CCDC138: variants seen among roughly 807,000 people sequenced by gnomAD.
CCDC138 encodes coiled-coil domain containing 138.
Under a neutral mutation model 82.3 loss-of-function variants are expected in CCDC138, and 66 were observed. The observed-to-expected ratio is 0.80, with a 90% CI of 0.66 to 0.98. CCDC138 has a LOEUF of 0.98. Among genes scored for constraint, CCDC138 ranks in the 50% least tolerant of loss-of-function variants. The pLI, the probability that CCDC138 is intolerant of heterozygous loss-of-function variation, is 0.00. For synonymous variants in CCDC138, 297 were observed against 265.4 expected, an observed-to-expected ratio of 1.12 and a Z score of -1.16; for missense variants, 816 against 758.9, an observed-to-expected ratio of 1.08 and a Z score of -0.88.
In CCDC138 at chr2:108,837,099, G is replaced by A. The variant is rs75421808; in HGVS notation, c.1207-2086G>A. ...GTACTATAGTGAACAGAAGTGGTGA[G>A]GGTGTGCTTGTCTTGTTCCTGATTT... On this transcript the variant is annotated intron_variant, in intron 10 of 14. Coordinates refer to ENST00000295124, the MANE Select transcript of CCDC138 (RefSeq NM_144978.3). Among the ~76,000 whole-genome samples, 607 of 152,226 alleles carry A rather than the reference G, an allele frequency of 4.0e-3. 5 individuals carry two copies. The highest frequency in any genetic ancestry group is 0.014 in the African/African-American group (561 of 41,526).
At chr2:108,868,431 T>C (rs1014312066) in intron 13 of CCDC138, among the ~76,000 whole-genome samples, 6 of 152,222 alleles carry the variant, frequency 3.9e-5, no homozygotes, top group Non-Finnish European at 7.3e-5. Context: ...ACAAAAGCAC[T>C]GAAAAATTTG....
chr2:108,812,555 T>C, intron 7 of CCDC138, 76 bp from the exon 8 acceptor site: 1 of 1,023,708 alleles, frequency 9.8e-7, no homozygotes. Flanking sequence ...CCAGATTAGA[T>C]AGTAGATTGG....
downstream of CCDC138, among the ~76,000 whole-genome samples, chr2:108,877,439 C>T (rs1175327698): frequency 6.6e-6 from 1 of 152,066 alleles, no homozygotes; most frequent in Non-Finnish European, 1.5e-5. Context: ...GCACTCCAGC[C>T]TGGGCAACAA....
At chr2:108,875,678 T>C (rs1695926784) in intron 14 of CCDC138, among the ~76,000 whole-genome samples, 1 of 152,066 alleles carries the variant, frequency 6.6e-6, no homozygotes, top group South Asian at 2.1e-4. Context: ...AGCAACATAG[T>C]GACACCCTGT....
At chr2:108,845,659 C>T (rs1690323458) in intron 11 of CCDC138, among the ~76,000 whole-genome samples, 1 of 151,548 alleles carries the variant, frequency 6.6e-6, no homozygotes, top group Non-Finnish European at 1.5e-5. Context: ...GCAAGCTCCG[C>T]CTCCCGTGTT....
intron 13 of CCDC138, among the ~76,000 whole-genome samples, chr2:108,862,809 G>A (rs1025855263): frequency 2.0e-5 from 3 of 151,034 alleles, no homozygotes; most frequent in African/African-American, 4.9e-5. Context: ...TTTTTTTTAC[G>A]TGGTTAGATA....
At chr2:108,846,222 A>C (rs1690447340) in intron 11 of CCDC138, among the ~76,000 whole-genome samples, 1 of 152,216 alleles carries the variant, frequency 6.6e-6, no homozygotes, top group Non-Finnish European at 1.5e-5. Flanking sequence ...TGTGTCAGAA[A>C]TATAGCATGA....
intron 10 of CCDC138, among the ~76,000 whole-genome samples, chr2:108,833,325 C>G (rs140203127): frequency 6.6e-6 from 1 of 152,304 alleles, no homozygotes; most frequent in Non-Finnish European, 1.5e-5. Context: ...ATGGAAGGTA[C>G]TGGCAGGTGG....
At chr2:108,839,903 T>C (rs1022784848) in intron 11 of CCDC138, among the ~76,000 whole-genome samples, 6 of 152,016 alleles carry the variant, frequency 3.9e-5, no homozygotes, top group African/African-American at 7.2e-5. Flanking sequence ...TCCAGCAGTA[T>C]GTCGAATATG....
At chr2:108,800,156 T>C (rs1681655927) in intron 6 of CCDC138, among the ~76,000 whole-genome samples, 1 of 152,216 alleles carries the variant, frequency 6.6e-6, no homozygotes, top group Non-Finnish European at 1.5e-5. Flanking sequence ...TTTTAGGGTA[T>C]ATTCAAGACC....
At chr2:108,840,515 G>A (rs964925566) in intron 11 of CCDC138, among the ~76,000 whole-genome samples, 10 of 152,090 alleles carry the variant, frequency 6.6e-5, no homozygotes, top group Non-Finnish European at 2.9e-5. Context: ...TAGTTACAGG[G>A]CTGTTCTAGT....
At chr2:108,854,029 TTA>T (rs1491109703) in intron 12 of CCDC138, among the ~76,000 whole-genome samples, 6 of 112,200 alleles carry the variant, frequency 5.3e-5, no homozygotes, top group African/African-American at 1.7e-4. Context: ...TAAATTTATA[TTA>T]TATATAATAT....
chr2:108,819,213 A>G (rs1685258725), intron 10 of CCDC138, among the ~76,000 whole-genome samples: 1 of 152,194 alleles, frequency 6.6e-6, no homozygotes, highest in Non-Finnish European at 1.5e-5. Flanking sequence ...TCAGGCTAAA[A>G]CATTAAAAAG....
chr2:108,870,982 A>G (rs1382021155), intron 13 of CCDC138, among the ~76,000 whole-genome samples: 1 of 152,228 alleles, frequency 6.6e-6, no homozygotes, highest in African/African-American at 2.4e-5. Flanking sequence ...TTTAACACCA[A>G]TTTAAAGAAT....
At chr2:108,869,134 C>A (rs1391650423) in intron 13 of CCDC138, among the ~76,000 whole-genome samples, 2 of 151,984 alleles carry the variant, frequency 1.3e-5, no homozygotes, top group Non-Finnish European at 2.9e-5. Flanking sequence ...GTTGCAGGTG[C>A]TTGTTTCCCC....
At position 108,846,125 on chromosome 2, in the gene CCDC138, G is replaced by T. The variant is rs187587289; in HGVS notation, c.1324-613G>T. On this transcript the variant is annotated intron_variant, in intron 11 of 14. Transcript: ENST00000295124. ...ATTTCTTAAGTGAACACAGAAGGAT[G>T]TGCCTGATAAGCTGGTTTTCATTGA... Among the ~76,000 whole-genome samples the T allele has an allele frequency of 3.4e-3, 511 of 152,270 alleles. 1 individual carries two copies. The highest frequency in any genetic ancestry group is 4.6e-3 in the Non-Finnish European group (316 of 68,016).
chr2:108,867,373 AT>A (rs1425105491), intron 13 of CCDC138, among the ~76,000 whole-genome samples: 1 of 152,256 alleles, frequency 6.6e-6, no homozygotes, highest in Non-Finnish European at 1.5e-5. Flanking sequence ...AAGGAAAAAA[AT>A]AAAAGTCTTG....
chr2:108,860,274 A>T (rs1693339226), intron 13 of CCDC138, among the ~76,000 whole-genome samples: 1 of 152,100 alleles, frequency 6.6e-6, no homozygotes, highest in African/African-American at 2.4e-5. Flanking sequence ...TAGGTATAGA[A>T]TCCTATTGTC....
At chr2:108,853,891 G>GTATATATTATA (rs1558737067) in intron 12 of CCDC138, among the ~76,000 whole-genome samples, 2 of 108,710 alleles carry the variant, frequency 1.8e-5, no homozygotes, top group African/African-American at 7.4e-5. Context: ...ATATTATATA[G>GTATATATTATA]TATATATATT....
Sources: gnomAD v4.1 joint callset for allele counts (sites outside exome capture counted in the v4.1 genomes callset) on GRCh38, gnomAD v4.1.1 for gene constraint, MANE v1.5 for transcripts, NCBI Gene and HGNC (gene_info 2026-07-23, HGNC 2026-07-21) for gene names.